The following ATP8A2 variants were observed in gnomAD, a reference collection of about 807,000 sequenced individuals.
ATP8A2 encodes ATPase phospholipid transporting 8A2, also known as phospholipid-transporting ATPase IB.
In ATP8A2, 100 loss-of-function variants were observed where a neutral mutation model predicts 165.6. The ratio of observed to expected loss-of-function variants is 0.60; its 90% CI spans 0.51 to 0.71. The LOEUF is 0.71. Among genes scored for constraint, ATP8A2 ranks in the 30% least tolerant of loss-of-function variants. ATP8A2 has a pLI of 0.00. For synonymous variants in ATP8A2, 543 were observed against 548.8 expected (o/e 0.99, Z 0.15); for missense variants, 1,227 against 1,479.5 (o/e 0.83, Z 2.80).
chr13:25,393,646 C>A (rs1460358690), intron 1 of ATP8A2, among the ~76,000 whole-genome samples: 3 of 152,166 alleles, frequency 2.0e-5, no homozygotes, highest in African/African-American at 7.2e-5. Context: ...GAACTCCTGA[C>A]CTCAGGTGAT....
At chr13:25,578,411 A>G (rs1471556632) in intron 20 of ATP8A2, among the ~76,000 whole-genome samples, 3 of 152,124 alleles carry the variant, frequency 2.0e-5, no homozygotes, top group Non-Finnish European at 4.4e-5. Context: ...TGTGCTTAGG[A>G]GCTCCTCCCG....
chr13:25,872,462 A>G (rs1299851941), intron 33 of ATP8A2, among the ~76,000 whole-genome samples: 1 of 152,208 alleles, frequency 6.6e-6, no homozygotes, highest in Admixed American at 6.5e-5. Context: ...TTGTCGTTCT[A>G]TAGCAGAAAC....
chr13:25,940,234 G>A (rs1164811481), intron 33 of ATP8A2, among the ~76,000 whole-genome samples: 1 of 152,010 alleles, frequency 6.6e-6, no homozygotes, highest in African/African-American at 2.4e-5. Flanking sequence ...CCCCTTCCCG[G>A]TGGCTCTTCA....
At chr13:25,572,123 ATCTCTCTCTC>A (rs10552616) in intron 18 of ATP8A2, among the ~76,000 whole-genome samples, 1 of 149,476 alleles carries the variant, frequency 6.7e-6, no homozygotes, top group Admixed American at 6.7e-5. Flanking sequence ...CAGCGTTAAG[ATCTCTCTCTC>A]TCTCTCTCTC....
intron 35 of ATP8A2, among the ~76,000 whole-genome samples, chr13:25,990,445 AG>A (rs1192331478): frequency 6.6e-6 from 1 of 152,092 alleles, no homozygotes; most frequent in Non-Finnish European, 1.5e-5. Context: ...GTCTGGTCTG[AG>A]TGAACTGAGG....
chr13:25,977,637 T>C (rs1956084868), intron 35 of ATP8A2, among the ~76,000 whole-genome samples: 1 of 152,138 alleles, frequency 6.6e-6, no homozygotes, highest in Non-Finnish European at 1.5e-5. Context: ...AGCCTGTTGT[T>C]GTTGTTGTTG....
intron 33 of ATP8A2, among the ~76,000 whole-genome samples, chr13:25,928,738 C>G (rs543864534): frequency 6.6e-6 from 1 of 152,302 alleles, no homozygotes; most frequent in South Asian, 2.1e-4. Context: ...CCCTTGCATT[C>G]AGAGGGTGGT....
rs562065526 is a variant in ATP8A2, at chr13:25,876,767, A to G, written c.3183+14359A>G. On this transcript the variant is annotated intron_variant, in intron 33 of 36. Coordinates refer to ENST00000381655, the MANE Select transcript of ATP8A2 (RefSeq NM_016529.6). ...TCGTTTAAAATGAATCCTTAATAAG[A>G]AAAAGGAATAAGCCTTTGTCTGGAA... is the stretch of plus-strand genomic sequence containing the variant. Among the ~76,000 whole-genome samples, 3 of 152,382 alleles carry G rather than the reference A, an allele frequency of 2.0e-5. No homozygotes were observed. In the South Asian group the frequency reaches 6.2e-4, roughly 32 times the overall value.
At chr13:25,478,383 AAAAGCTTACTCAG>A (rs1455524297) in intron 2 of ATP8A2, among the ~76,000 whole-genome samples, 4 of 152,202 alleles carry the variant, frequency 2.6e-5, no homozygotes, top group Non-Finnish European at 5.9e-5. Flanking sequence ...AACAGACAGC[AAAAGCTTACTCAG>A]AAATGCTAAT....
At chr13:25,897,224 G>T (rs1251654795) in intron 33 of ATP8A2, among the ~76,000 whole-genome samples, 1 of 152,142 alleles carries the variant, frequency 6.6e-6, no homozygotes, top group Admixed American at 6.5e-5. Context: ...TTTAGGGCAG[G>T]CCTGGTGTGA....
intron 2 of ATP8A2, among the ~76,000 whole-genome samples, chr13:25,469,350 C>T (rs1485263129): frequency 6.6e-6 from 1 of 152,208 alleles, no homozygotes; most frequent in East Asian, 1.9e-4. Context: ...CGTTCTGCGC[C>T]CAGCCTGCCT....
At chr13:25,930,198 G>T (rs1179376461) in intron 33 of ATP8A2, among the ~76,000 whole-genome samples, 3 of 152,112 alleles carry the variant, frequency 2.0e-5, no homozygotes, top group Non-Finnish European at 4.4e-5. Context: ...CTTCTGCACT[G>T]CACCTGGAAT....
intron 24 of ATP8A2, among the ~76,000 whole-genome samples, chr13:25,600,533 C>G (rs1442212392): frequency 6.6e-6 from 1 of 152,154 alleles, no homozygotes; most frequent in Admixed American, 6.6e-5. Flanking sequence ...GGAGCAGAAG[C>G]CAGCGAGCCC....
chr13:25,638,803 G>A (rs917813666), intron 24 of ATP8A2, among the ~76,000 whole-genome samples: 1 of 152,110 alleles, frequency 6.6e-6, no homozygotes, highest in Admixed American at 6.6e-5. Context: ...ACACATAATT[G>A]TCAGATTCAC....
chr13:25,554,014 C>A (rs954908756), intron 12 of ATP8A2, 94 bp downstream of exon 12: 4 of 1,336,494 alleles, frequency 3.0e-6, no homozygotes, highest in African/African-American at 2.9e-5. Context: ...GAACTATATT[C>A]ATTTACCATT....
In ATP8A2 at chr13:25,433,492, T is replaced by C. The variant is rs139499027; in HGVS notation, c.77-35485T>C. Among the ~76,000 whole-genome samples, 755 of 152,248 alleles carry C rather than the reference T, an allele frequency of 5.0e-3. 4 individuals are homozygous for C. The highest frequency in any genetic ancestry group is 1.0e-2 in the African/African-American group (414 of 41,538). On this transcript the variant is annotated intron_variant, in intron 1 of 36. Transcript: ENST00000381655. ...TCTTGCTTTGTTGCTGAGGCTGGTC[T>C]TGAACTTCTGGGCTCAAGCAATCCT...
At chr13:25,628,663 G>A (rs2041162719) in intron 24 of ATP8A2, among the ~76,000 whole-genome samples, 1 of 151,976 alleles carries the variant, frequency 6.6e-6, no homozygotes, top group Non-Finnish European at 1.5e-5. Context: ...TGATGGTTGA[G>A]GGGAGTCTGC....
At chr13:25,776,446 A>G (rs1443737182) in intron 27 of ATP8A2, among the ~76,000 whole-genome samples, 1 of 152,230 alleles carries the variant, frequency 6.6e-6, no homozygotes, top group Non-Finnish European at 1.5e-5. Flanking sequence ...TATTCAGTAT[A>G]GTGAGGTTAA....
At chr13:25,605,518 G>A (rs1333088361) in intron 24 of ATP8A2, among the ~76,000 whole-genome samples, 3 of 152,012 alleles carry the variant, frequency 2.0e-5, no homozygotes, top group African/African-American at 7.2e-5. Flanking sequence ...GAAGTATATA[G>A]TTTATATAAA....
Sources: gnomAD v4.1 joint callset for allele counts (sites outside exome capture counted in the v4.1 genomes callset) on GRCh38, gnomAD v4.1.1 for gene constraint, MANE v1.5 for transcripts, NCBI Gene and HGNC (gene_info 2026-07-23, HGNC 2026-07-21) for gene names.